The following RNF180 variants were observed in gnomAD, a reference collection of about 807,000 sequenced individuals.
RNF180 encodes ring finger protein 180.
A neutral mutation model predicts 59.2 loss-of-function variants in RNF180; 38 were observed. The observed-to-expected ratio is 0.64, with a 90% CI of 0.50 to 0.84. RNF180 has a LOEUF of 0.84. Ranked by LOEUF, RNF180 falls within the 40% of genes least tolerant of loss-of-function variation. RNF180 has a pLI of 0.00. For missense variants in RNF180, 705 were observed against 700.9 expected (o/e 1.01, Z -0.07); for synonymous variants, 262 against 240.3 (o/e 1.09, Z -0.84).
Position 64,220,586 on chromosome 5 carries a change from C to T in RNF180, c.1227+3190C>T, listed in dbSNP as rs370075679. 8.6e-4 allele frequency among the ~76,000 whole-genome samples: 130 copies of T among 151,830 alleles called. 1 individual carries two copies. Among genetic ancestry groups the T allele is most frequent in the South Asian group, 1.0e-3 (5 of 4,822 alleles). ...TAATCCTAGAACAAAACATTTTTTT[C>T]GCTGAATTGAGAGAAACTAAAGCTA... is the stretch of plus-strand genomic sequence containing the variant. On this transcript the variant is annotated intron_variant, in intron 5 of 7. Coordinates refer to ENST00000389100, the MANE Select transcript of RNF180 (RefSeq NM_001113561.2).
chr5:64,334,081 C>T (rs905851588), intron 7 of RNF180, among the ~76,000 whole-genome samples: 1 of 152,204 alleles, frequency 6.6e-6, no homozygotes, highest in Non-Finnish European at 1.5e-5. Context: ...AGTAAGGATT[C>T]ACTCACTGTT....
At position 64,258,349 on chromosome 5, in the gene RNF180, G is replaced by A. The variant is rs573447815; in HGVS notation, c.1227+40953G>A. On this transcript the variant is annotated intron_variant, in intron 5 of 7. Coordinates refer to ENST00000389100, the MANE Select transcript of RNF180 (RefSeq NM_001113561.2). ...TCAGTCTGGCAGAAGTATGGAGGATGAATGTGGGAAGGGAGGTGGATAAGG... is the reference window on the plus strand; with the variant it reads ...TCAGTCTGGCAGAAGTATGGAGGATAAATGTGGGAAGGGAGGTGGATAAGG... Among the ~76,000 whole-genome samples the A allele has an allele frequency of 3.3e-5, 5 of 152,310 alleles. 1 individual carries two copies. The highest frequency in any genetic ancestry group is 1.3e-4 in the Admixed American group (2 of 15,294).
intron 7 of RNF180, among the ~76,000 whole-genome samples, chr5:64,368,257 C>G (rs1162191831): frequency 6.6e-6 from 1 of 151,556 alleles, no homozygotes; most frequent in Non-Finnish European, 1.5e-5. Context: ...GAACTTTGCT[C>G]AAAGAACTAA....
intron 5 of RNF180, among the ~76,000 whole-genome samples, chr5:64,322,571 G>A (rs1422687564): frequency 1.4e-5 from 2 of 146,222 alleles, no homozygotes; most frequent in East Asian, 2.1e-4. Flanking sequence ...ATGTATACAC[G>A]TATATATATA....
chr5:64,208,509 T>C (rs1433238243), intron 2 of RNF180, among the ~76,000 whole-genome samples: 2 of 152,038 alleles, frequency 1.3e-5, no homozygotes, highest in African/African-American at 4.8e-5. Context: ...ATTTGTGTGA[T>C]TTTAAAAAAT....
At chr5:64,273,249 G>T (rs1178437142) in intron 5 of RNF180, among the ~76,000 whole-genome samples, 1 of 151,896 alleles carries the variant, frequency 6.6e-6, no homozygotes, top group African/African-American at 2.4e-5. Context: ...GTTCTGGGGG[G>T]AATTGCCCAC....
chr5:64,301,701 ATGTGTG>A (rs3069547), intron 5 of RNF180, among the ~76,000 whole-genome samples: 3 of 148,598 alleles, frequency 2.0e-5, no homozygotes, highest in African/African-American at 7.4e-5. Flanking sequence ...CCACATCAGA[ATGTGTG>A]TGTGTGTGTG....
chr5:64,227,214 A>G (rs1174288582), intron 5 of RNF180, among the ~76,000 whole-genome samples: 1 of 152,102 alleles, frequency 6.6e-6, no homozygotes, highest in Non-Finnish European at 1.5e-5. Flanking sequence ...TGGGGCCTGG[A>G]CAGCCTTGGG....
At chr5:64,326,431 A>G (rs1018829434) in intron 6 of RNF180, among the ~76,000 whole-genome samples, 3 of 152,288 alleles carry the variant, frequency 2.0e-5, no homozygotes, top group Non-Finnish European at 4.4e-5. Context: ...TGTAAAATCT[A>G]TAACTCCATT....
In RNF180 at chr5:64,238,215, C is replaced by G. The variant is rs190959094; in HGVS notation, c.1227+20819C>G. On this transcript the variant is annotated intron_variant, in intron 5 of 7. Transcript: ENST00000389100. ...GTATAGTACCCATTATATGTTTATC[C>G]CACATTTTCTTTATGCATTAACCTG... is the stretch of plus-strand genomic sequence containing the variant. Among the ~76,000 whole-genome samples, 30 of 152,114 alleles carry G rather than the reference C, an allele frequency of 2.0e-4. No individual in the cohort carries two copies. In the East Asian group the frequency reaches 5.6e-3, roughly 28 times the overall value.
chr5:64,188,069 G>A (rs534386428), intron 1 of RNF180, among the ~76,000 whole-genome samples: 1 of 152,112 alleles, frequency 6.6e-6, no homozygotes, highest in South Asian at 2.1e-4. Context: ...ATATCAGTAG[G>A]GTGAGCTGAC....
chr5:64,299,493 A>G (rs1406565449), intron 5 of RNF180, among the ~76,000 whole-genome samples: 2 of 152,076 alleles, frequency 1.3e-5, no homozygotes, highest in East Asian at 3.9e-4. Flanking sequence ...TAAAATAACA[A>G]ATGTGCTTGT....
chr5:64,349,713 T>A (rs921508573), intron 7 of RNF180, among the ~76,000 whole-genome samples: 1 of 152,142 alleles, frequency 6.6e-6, no homozygotes, highest in Non-Finnish European at 1.5e-5. Context: ...TTGTGATAGT[T>A]TGCTGGGAAT....
intron 7 of RNF180, among the ~76,000 whole-genome samples, chr5:64,335,544 G>A (rs1745091250): frequency 2.0e-5 from 3 of 151,814 alleles, no homozygotes; most frequent in Admixed American, 2.0e-4. Context: ...TGAAAATAAT[G>A]TATCATTTCC....
chr5:64,273,652 G>T (rs938026719), intron 5 of RNF180, among the ~76,000 whole-genome samples: 11 of 151,974 alleles, frequency 7.2e-5, no homozygotes, highest in Non-Finnish European at 1.6e-4. Context: ...CAGAAAGTGG[G>T]TTGAAGAACG....
intron 2 of RNF180, among the ~76,000 whole-genome samples, chr5:64,203,230 G>A (rs1276855106): frequency 1.3e-5 from 2 of 152,280 alleles, no homozygotes; most frequent in Middle Eastern, 3.4e-3. Flanking sequence ...CCTGATCTGA[G>A]GAGTACTCTA....
intron 5 of RNF180, among the ~76,000 whole-genome samples, chr5:64,321,684 C>G (rs1167057443): frequency 6.6e-6 from 1 of 151,852 alleles, no homozygotes; most frequent in East Asian, 1.9e-4. Flanking sequence ...CATAAGGAAC[C>G]AAAAAAGGGC....
chr5:64,346,511 A>G (rs1307725283), intron 7 of RNF180, among the ~76,000 whole-genome samples: 7 of 151,800 alleles, frequency 4.6e-5, no homozygotes, highest in Admixed American at 3.9e-4. Context: ...CTGGGATTAC[A>G]GGTGCCTGCC....
At position 64,356,997 on chromosome 5, in the gene RNF180, C is replaced by G. The variant is rs1278636731; in HGVS notation, c.1580-12618C>G. On this transcript the variant is annotated intron_variant, in intron 7 of 7. Transcript: ENST00000389100. ...AAATGTTATGTTATATATATCTTACCCAATAAAAACTATTTTTTTAAAAAA... is the reference window on the plus strand; with the variant it reads ...AAATGTTATGTTATATATATCTTACGCAATAAAAACTATTTTTTTAAAAAA... Among the ~76,000 whole-genome samples the G allele has an allele frequency of 2.0e-5, 3 of 151,534 alleles. No individual in the cohort carries two copies. In the East Asian group the frequency reaches 5.9e-4, roughly 30 times the overall value.
Sources: allele counts gnomAD v4.1 joint callset (sites outside exome capture counted in the v4.1 genomes callset), GRCh38; gene constraint gnomAD v4.1.1; transcripts MANE v1.5; gene names NCBI Gene and HGNC (gene_info 2026-07-23, HGNC 2026-07-21).